Variants in IDE observed in about 807,000 individuals in gnomAD.
The protein encoded by IDE is insulin degrading enzyme.
IDE carries 58 observed loss-of-function variants against 133.2 expected under a neutral mutation model. The ratio of observed to expected loss-of-function variants is 0.44; its 90% CI spans 0.35 to 0.54. IDE has a LOEUF of 0.54. Among genes scored for constraint, IDE ranks in the 20% least tolerant of loss-of-function variants. The pLI is 0.00. For synonymous variants in IDE, 396 were observed against 421.3 expected, an observed-to-expected ratio of 0.94 and a Z score of 0.73; for missense variants, 981 against 1,234.0, an observed-to-expected ratio of 0.79 and a Z score of 3.07.
intron 13 of IDE, 59 bp downstream of exon 13, chr10:92,487,137 A>G: frequency 6.6e-7 from 1 of 1,509,254 alleles, no homozygotes; most frequent in Non-Finnish European, 9.0e-7. Flanking sequence ...TCATTTACCC[A>G]GTCCCCCATG....
Position 92,569,690 on chromosome 10 carries a change from G to GA in IDE, c.98+4231dup, listed in dbSNP as rs1244624872. Reference sequence around the variant, plus strand: ...ACATAGCAAAACTAAGGACTCTACAGAAAAAAATTGTTTTGAAAAAAGACC... The same window carrying GA: ...ACATAGCAAAACTAAGGACTCTACAGAAAAAAAATTGTTTTGAAAAAAGACC... On this transcript the variant is annotated intron_variant, in intron 1 of 24. Transcript: ENST00000265986. 2.0e-5 allele frequency among the ~76,000 whole-genome samples: 3 copies of GA among 152,184 alleles called. No homozygotes were observed. The East Asian group carries it at 5.8e-4, about 29-fold the overall frequency.
At chr10:92,554,631 T>TG (rs1202219280) in intron 1 of IDE, 1 of 151,784 alleles carries the variant, frequency 6.6e-6, no homozygotes, top group African/African-American at 2.4e-5. Flanking sequence ...GCGGATCACT[T>TG]GAAGTCAGGA....
rs759953696 is a variant in IDE, at chr10:92,524,517, ATATAT to A, written c.661+7226_661+7230del. ...TAATATATTTTATATAATATATAAT[ATATAT>A]TATATTATAATATATTTTATATTAT... On this transcript the variant is annotated intron_variant, in intron 4 of 24. Transcript: ENST00000265986. Among the ~76,000 whole-genome samples the A allele has an allele frequency of 4.2e-3, 228 of 53,740 alleles. 17 individuals carry two copies. Among genetic ancestry groups the A allele is most frequent in the Admixed American group, 9.4e-3 (25 of 2,668 alleles). The allele number at this position is 53,740 out of a possible 152,430, so 35.3% of individuals were successfully genotyped here.
At chr10:92,495,218 T>C (rs1200928862) in intron 11 of IDE, among the ~76,000 whole-genome samples, 22 of 61,166 alleles carry the variant, frequency 3.6e-4, no homozygotes, top group Non-Finnish European at 5.8e-4. Flanking sequence ...ACACTCGGCT[T>C]TTTTTTTTTT....
At chr10:92,476,723 C>CCATATATATGGTATATGGCA (rs1311898531) in intron 15 of IDE, among the ~76,000 whole-genome samples, 3 of 152,164 alleles carry the variant, frequency 2.0e-5, no homozygotes, top group African/African-American at 7.2e-5. Context: ...GTGGCATATA[C>CCATATATATGGTATATGGCA]TATATCATCA....
intron 15 of IDE, chr10:92,478,810 A>C (rs1428950813): frequency 1.7e-6 from 2 of 1,189,766 alleles, no homozygotes; most frequent in African/African-American, 3.2e-5. Context: ...GAAAAACAAA[A>C]GAAATGCTTT....
rs760471524 is a variant in IDE, at chr10:92,537,577, T to C, written c.99-27A>G. On this transcript the variant is annotated intron_variant, in intron 1 of 24. Transcript: ENST00000265986. ...TGAAAAGAAAGAGATTTTTAATTGT[T>C]GATTTGTGACTTTATATTTAAGGAC... 1.6e-5 allele frequency: 24 copies of C among 1,501,978 alleles called. 1 individual carries two copies. The highest frequency in any genetic ancestry group is 1.4e-4 in the African/African-American group (10 of 71,930). The allele number at this position is 1,501,978 out of a possible 1,614,324, so 93.0% of individuals were successfully genotyped here. A position where few individuals can be genotyped will look rare whatever the true frequency, so the allele number is the denominator to read the frequency against.
At chr10:92,533,063 G>T (rs1407530725) in intron 3 of IDE, among the ~76,000 whole-genome samples, 1 of 152,042 alleles carries the variant, frequency 6.6e-6, no homozygotes, top group South Asian at 2.1e-4. Flanking sequence ...AATACTTCCA[G>T]GCTGGGAAAA....
intron 11 of IDE, among the ~76,000 whole-genome samples, chr10:92,503,019 CAT>C (rs953268653): frequency 3.9e-5 from 6 of 152,114 alleles, no homozygotes; most frequent in South Asian, 2.1e-4. Context: ...AATAATTTCA[CAT>C]GTTATTTTCA....
At chr10:92,508,051 G>A in intron 8 of IDE, 62 bp downstream of exon 8, 1 of 1,191,364 alleles carries the variant, frequency 8.4e-7, no homozygotes, top group South Asian at 1.3e-5. Flanking sequence ...GCATGAAGAA[G>A]TTAAAAAACA....
At chr10:92,554,384 T>A (rs978322653) in intron 1 of IDE, among the ~76,000 whole-genome samples, 1 of 151,662 alleles carries the variant, frequency 6.6e-6, no homozygotes, top group Non-Finnish European at 1.5e-5. Context: ...CAAGATACCG[T>A]CTCTACAAAA....
intron 4 of IDE, among the ~76,000 whole-genome samples, chr10:92,516,181 G>A (rs1216650772): frequency 5.7e-5 from 8 of 140,598 alleles, no homozygotes; most frequent in Non-Finnish European, 9.2e-5. Flanking sequence ...CGGAAACTCC[G>A]TCTCAAAAAA....
intron 22 of IDE, among the ~76,000 whole-genome samples, chr10:92,457,763 T>C (rs1296199716): frequency 1.3e-5 from 2 of 152,124 alleles, no homozygotes. Context: ...ACTGGGCAGT[T>C]ACTAATAAGC....
intron 10 of IDE, 147 bp downstream of exon 10, chr10:92,506,295 G>A (rs373508090): frequency 2.2e-5 from 9 of 418,242 alleles, no homozygotes; most frequent in African/African-American, 1.6e-4. Flanking sequence ...AACATCTCCT[G>A]ACATCAACAT....
intron 15 of IDE, chr10:92,478,571 G>A (rs1846416394): frequency 1.1e-6 from 1 of 882,194 alleles, no homozygotes; most frequent in African/African-American, 1.8e-5. Flanking sequence ...AAAATGCGAA[G>A]TTAATAGTTT....
intron 1 of IDE, among the ~76,000 whole-genome samples, chr10:92,546,420 A>G (rs1035363834): frequency 1.3e-5 from 2 of 152,204 alleles, no homozygotes; most frequent in East Asian, 3.8e-4. Flanking sequence ...AGTAAAATAA[A>G]AGGAAGGGGG....
At chr10:92,550,023 C>T (rs1192031741) in intron 1 of IDE, among the ~76,000 whole-genome samples, 2 of 152,180 alleles carry the variant, frequency 1.3e-5, no homozygotes, top group Admixed American at 6.5e-5. Context: ...ACAAAATTAG[C>T]TGGGCATGGT....
At position 92,479,269 on chromosome 10, in the gene IDE, G is replaced by C. The variant is rs1409796288; in HGVS notation, c.1884+8C>G. 3.8e-6 allele frequency: 6 copies of C among 1,599,614 alleles called. No homozygotes were observed. Among genetic ancestry groups the C allele is most frequent in the Non-Finnish European group, 4.3e-6 (5 of 1,168,082 alleles). On this transcript the variant is annotated splice_region_variant and intron_variant, in intron 15 of 24. Transcript: ENST00000265986. The stretch of plus-strand genomic sequence containing the variant: ...ATGAGTGGAAGGCTCTAAGGCGTGG[G>C]TACTTACATACATCCCATAGATGGT...
At chr10:92,503,547 G>A (rs1388530977) in intron 11 of IDE, among the ~76,000 whole-genome samples, 1 of 152,032 alleles carries the variant, frequency 6.6e-6, no homozygotes. Flanking sequence ...ACAATAGATA[G>A]GCCAAGCCCA....
Sources: gnomAD v4.1 joint callset for allele counts (sites outside exome capture counted in the v4.1 genomes callset) on GRCh38, gnomAD v4.1.1 for gene constraint, MANE v1.5 for transcripts, NCBI Gene and HGNC (gene_info 2026-07-23, HGNC 2026-07-21) for gene names.